The following SMAGP variants were observed in gnomAD, a reference collection of about 807,000 sequenced individuals.
The protein encoded by SMAGP is small cell adhesion glycoprotein.
In SMAGP, 7 loss-of-function variants were observed where a neutral mutation model predicts 10.1. The observed-to-expected ratio is 0.70, with a 90% CI of 0.40 to 1.31. The LOEUF (loss-of-function observed/expected upper bound fraction) is 1.31. SMAGP is among the 50% of genes most tolerant of loss of function. The pLI, the probability that SMAGP is intolerant of heterozygous loss-of-function variation, is 0.01. For synonymous variants in SMAGP, 49 were observed against 47.2 expected (o/e 1.04, Z -0.16); for missense variants, 113 against 116.5 (o/e 0.97, Z 0.14).
At chr12:51,257,837 G>T (rs1316332920) in intron 2 of SMAGP, among the ~76,000 whole-genome samples, 5 of 151,278 alleles carry the variant, frequency 3.3e-5, no homozygotes, top group Admixed American at 3.3e-4. Context: ...GAGCCACTGT[G>T]CCCAGCCTAC....
intron 3 of SMAGP, chr12:51,246,540 G>A (rs755622362): frequency 6.5e-5 from 30 of 458,914 alleles, no homozygotes; most frequent in East Asian, 3.7e-4. Flanking sequence ...ATCTATTTGC[G>A]GCCACCTCCC....
At chr12:51,267,274 A>G (rs1944982559) in intron 2 of SMAGP, among the ~76,000 whole-genome samples, 1 of 152,070 alleles carries the variant, frequency 6.6e-6, no homozygotes, top group African/African-American at 2.4e-5. Context: ...CTCCAGGGTA[A>G]ATCGTCTCTG....
intron 3 of SMAGP, 147 bp downstream of exon 3, chr12:51,246,604 C>CTGTGTGAG: frequency 3.0e-6 from 1 of 336,948 alleles, no homozygotes; most frequent in South Asian, 1.1e-4. Context: ...TCTTTTATGG[C>CTGTGTGAG]TGTGTGTGTG....
chr12:51,259,042 G>C (rs990388628), intron 2 of SMAGP, among the ~76,000 whole-genome samples: 1 of 146,678 alleles, frequency 6.8e-6, no homozygotes. Flanking sequence ...GAGGATTCTA[G>C]AGGATCACTT....
chr12:51,257,511 T>A (rs566591358), intron 2 of SMAGP, among the ~76,000 whole-genome samples: 7 of 148,700 alleles, frequency 4.7e-5, no homozygotes, highest in African/African-American at 1.7e-4. Flanking sequence ...GGGCCAGGAG[T>A]TCAAGACAAG....
chr12:51,256,220 G>A (rs1276374560), intron 2 of SMAGP, among the ~76,000 whole-genome samples: 1 of 152,126 alleles, frequency 6.6e-6, no homozygotes, highest in Non-Finnish European at 1.5e-5. Context: ...TGTGAGAGGG[G>A]TAAGCCTGCA....
chr12:51,248,426 ACACACACACTCTCTCTCTCTCTCTCT>A (rs1483608996), intron 2 of SMAGP, among the ~76,000 whole-genome samples: 1 of 112,240 alleles, frequency 8.9e-6, no homozygotes, highest in Admixed American at 9.4e-5. Context: ...ACACACACAC[ACACACACACTCTCTCTCTCTCTCTCT>A]CTCTCTCTCT....
At chr12:51,258,170 A>T (rs924874172) in intron 2 of SMAGP, among the ~76,000 whole-genome samples, 1 of 152,124 alleles carries the variant, frequency 6.6e-6, no homozygotes, top group Non-Finnish European at 1.5e-5. Flanking sequence ...CTCAAAAAAT[A>T]AATTAATTAA....
chr12:51,264,354 C>CAGGT (rs1944954416), intron 2 of SMAGP, among the ~76,000 whole-genome samples: 1 of 152,236 alleles, frequency 6.6e-6, no homozygotes, highest in Non-Finnish European at 1.5e-5. Context: ...AGAATGCAGC[C>CAGGT]AGGTGAGGTG....
chr12:51,267,459 G>A (rs1944984549), intron 2 of SMAGP, among the ~76,000 whole-genome samples: 2 of 148,258 alleles, frequency 1.3e-5, no homozygotes, highest in Non-Finnish European at 3.0e-5. Context: ...AGCCTTTGCT[G>A]ACCTATTCCC....
intron 2 of SMAGP, among the ~76,000 whole-genome samples, chr12:51,267,781 A>G (rs1944989291): frequency 1.3e-5 from 2 of 152,050 alleles, no homozygotes; most frequent in Admixed American, 6.6e-5. Context: ...GTGAGCCACC[A>G]TACCTGGCCA....
intron 1 of SMAGP, chr12:51,269,657 G>T: frequency 4.8e-6 from 1 of 206,562 alleles, no homozygotes; most frequent in Non-Finnish European, 1.0e-5. Context: ...GCCAAAGCGC[G>T]GTAACAGGTA....
At chr12:51,253,033 G>C (rs1944854727) in intron 2 of SMAGP, among the ~76,000 whole-genome samples, 1 of 152,186 alleles carries the variant, frequency 6.6e-6, no homozygotes, top group Non-Finnish European at 1.5e-5. Context: ...TCGGGAACCT[G>C]AAGGGGCCAT....
chr12:51,267,410 A>G (rs932259344), intron 2 of SMAGP, among the ~76,000 whole-genome samples: 1 of 151,730 alleles, frequency 6.6e-6, no homozygotes, highest in Non-Finnish European at 1.5e-5. Context: ...TCCGTCTTTC[A>G]AGGGCAAGAC....
Position 51,246,873 on chromosome 12 carries a change from C to A in SMAGP, c.35-42G>T, listed in dbSNP as rs906642929. On this transcript the variant is annotated intron_variant, in intron 2 of 3. Transcript: ENST00000603798. ...AGTGGAAAAGGAAATGGAGTGAATT[C>A]TTTTGTTTGAAAGCATATGTTTGGC... The A allele has an allele frequency of 1.3e-5, 19 of 1,460,824 alleles. No individual in the cohort carries two copies. The African/African-American group carries it at 1.9e-4, about 14-fold the overall frequency. 90.5% of individuals were successfully genotyped at this position (1,460,824 alleles called of 1,614,324 possible).
rs911066676 is a variant in SMAGP at position 51,245,325 on chromosome 12, G to A, written c.*616C>T. 4 of 152,696 alleles carry A rather than the reference G, an allele frequency of 2.6e-5. No individual in the cohort carries two copies. In the East Asian group the frequency reaches 5.8e-4, roughly 22 times the overall value. 9.5% of individuals were successfully genotyped at this position (152,696 alleles called of 1,614,324 possible). A position where few individuals can be genotyped will look rare whatever the true frequency, so the allele number is the denominator to read the frequency against. On this transcript the variant is annotated 3_prime_UTR_variant, in exon 4 of 4. Coordinates refer to ENST00000603798, the MANE Select transcript of SMAGP (RefSeq NM_001031628.2). Reference sequence around the variant, plus strand: ...TTAAGCAAAAATAAGTCAAAATGTAGTTACTTCTTGCACATGAGAATCTGA... The same window carrying A: ...TTAAGCAAAAATAAGTCAAAATGTAATTACTTCTTGCACATGAGAATCTGA...
intron 2 of SMAGP, among the ~76,000 whole-genome samples, chr12:51,260,754 C>T (rs1455029577): frequency 4.4e-5 from 6 of 135,976 alleles, no homozygotes; most frequent in Non-Finnish European, 9.3e-5. Context: ...GGCGTGATCT[C>T]GGCTCACTGC....
At chr12:51,266,468 G>GAAAA (rs35554559) in intron 2 of SMAGP, among the ~76,000 whole-genome samples, 1 of 142,652 alleles carries the variant, frequency 7.0e-6, no homozygotes. Flanking sequence ...CTTGACTTAA[G>GAAAA]AAAAAAAAAA....
chr12:51,259,933 T>C (rs1944917118), intron 2 of SMAGP, among the ~76,000 whole-genome samples: 1 of 152,130 alleles, frequency 6.6e-6, no homozygotes, highest in South Asian at 2.1e-4. Context: ...CACGCTGGTC[T>C]TGAACTCCTG....
Sources: allele counts gnomAD v4.1 joint callset (sites outside exome capture counted in the v4.1 genomes callset), GRCh38; gene constraint gnomAD v4.1.1; transcripts MANE v1.5; gene names NCBI Gene and HGNC (gene_info 2026-07-23, HGNC 2026-07-21).